The following HIBCH variants were observed in gnomAD, a reference collection of about 807,000 sequenced individuals.
The protein encoded by HIBCH is 3-hydroxyisobutyryl-CoA hydrolase.
A neutral mutation model predicts 58.2 loss-of-function variants in HIBCH; 50 were observed. The ratio of observed to expected loss-of-function variants is 0.86; its 90% CI spans 0.68 to 1.09. The LOEUF is 1.09. Ranked by LOEUF, HIBCH falls within the 50% of genes least tolerant of loss-of-function variation. The pLI, the probability that HIBCH is intolerant of heterozygous loss-of-function variation, is 0.00. For missense variants in HIBCH, 450 were observed against 449.7 expected (o/e 1.00, Z -0.01); for synonymous variants, 151 against 146.9 (o/e 1.03, Z -0.20).
At chr2:190,288,156 CTTTTT>C (rs369704911) in intron 5 of HIBCH, among the ~76,000 whole-genome samples, 30,475 of 141,474 alleles carry the variant, frequency 0.22, 3,497 homozygotes, top group Middle Eastern at 0.25. Context: ...AAGACCCTAT[CTTTTT>C]TTTTTTTTTT....
At chr2:190,202,199 C>A (rs527396530), downstream of HIBCH, 1 of 167,110 alleles carries the variant, frequency 6.0e-6, no homozygotes, top group South Asian at 2.1e-4. Flanking sequence ...CTGTTGCTGC[C>A]CTTCCTCAGC....
chr2:190,228,149 C>G (rs1003474698), intron 11 of HIBCH, among the ~76,000 whole-genome samples: 1 of 152,066 alleles, frequency 6.6e-6, no homozygotes, highest in Admixed American at 6.5e-5. Context: ...TTGGAACCAA[C>G]CCAAATGTCC....
chr2:190,285,631 T>C (rs1687810148), intron 6 of HIBCH, among the ~76,000 whole-genome samples: 1 of 152,102 alleles, frequency 6.6e-6, no homozygotes, highest in Non-Finnish European at 1.5e-5. Flanking sequence ...ACAGGTGGAA[T>C]TTCAAAAATT....
rs568499994 is a variant in HIBCH, at chr2:190,237,826, C to T, written c.891+7061G>A. Among the ~76,000 whole-genome samples the T allele has an allele frequency of 7.2e-5, 11 of 152,022 alleles. No individual in the cohort carries two copies. In the East Asian group the frequency reaches 1.7e-3, roughly 24 times the overall value. On this transcript the variant is annotated intron_variant, in intron 11 of 13. Transcript: ENST00000359678. Reference sequence around the variant, plus strand: ...CTAATGCTCTCCCCCTCCCTTTGCCCCCTACCCTGATGGGCCCCAGTGTGT... The same window carrying T: ...CTAATGCTCTCCCCCTCCCTTTGCCTCCTACCCTGATGGGCCCCAGTGTGT...
chr2:190,224,856 A>G (rs760972461), intron 11 of HIBCH, among the ~76,000 whole-genome samples: 1 of 152,184 alleles, frequency 6.6e-6, no homozygotes, highest in African/African-American at 2.4e-5. Context: ...CACATCAGTT[A>G]TTCCAAAAGT....
At chr2:190,291,108 G>A (rs1421853101) in intron 4 of HIBCH, among the ~76,000 whole-genome samples, 1 of 151,976 alleles carries the variant, frequency 6.6e-6, no homozygotes, top group Non-Finnish European at 1.5e-5. Context: ...CATTTCCTTT[G>A]GTAATATGTC....
chr2:190,297,027 A>C, intron 2 of HIBCH, 74 bp from the exon 3 acceptor site: 2 of 1,363,066 alleles, frequency 1.5e-6, no homozygotes, highest in Non-Finnish European at 2.1e-6. Flanking sequence ...AAACATACAT[A>C]TCAAATGCAA....
chr2:190,245,513 T>C (rs1233020230), intron 10 of HIBCH: 5 of 153,620 alleles, frequency 3.3e-5, no homozygotes, highest in African/African-American at 1.2e-4. Flanking sequence ...TTCAGCTTGG[T>C]AAGATCTTCA....
At chr2:190,285,422 C>A (rs1687805266) in intron 6 of HIBCH, among the ~76,000 whole-genome samples, 1 of 152,150 alleles carries the variant, frequency 6.6e-6, no homozygotes, top group Admixed American at 6.6e-5. Context: ...AGAGAGCTTT[C>A]CTTTTCCCCA....
intron 11 of HIBCH, among the ~76,000 whole-genome samples, chr2:190,244,295 A>G (rs1295652255): frequency 6.6e-6 from 1 of 152,196 alleles, no homozygotes; most frequent in Non-Finnish European, 1.5e-5. Context: ...AGGTCCACGA[A>G]TGTCAATACC....
chr2:190,190,157 A>C (rs1387372843), intron 1 of HIBCH, among the ~76,000 whole-genome samples: 1 of 152,246 alleles, frequency 6.6e-6, no homozygotes, highest in East Asian at 1.9e-4. Context: ...TCATGTAACT[A>C]ACATACCAAT....
chr2:190,246,245 G>A (rs777432148), intron 9 of HIBCH, 33 bp from the exon 10 acceptor site: 1 of 1,290,266 alleles, frequency 7.8e-7, no homozygotes, highest in Non-Finnish European at 1.1e-6. Flanking sequence ...TAATAAATTT[G>A]AACACAATTT....
chr2:190,252,778 T>C (rs150948695), intron 7 of HIBCH, among the ~76,000 whole-genome samples: 49 of 152,366 alleles, frequency 3.2e-4, no homozygotes, highest in African/African-American at 1.1e-3. Flanking sequence ...TGTTTAAATA[T>C]TGATGCAATA....
At chr2:190,275,923 AC>A (rs573439541) in intron 6 of HIBCH, among the ~76,000 whole-genome samples, 20 of 152,226 alleles carry the variant, frequency 1.3e-4, no homozygotes, top group Non-Finnish European at 2.5e-4. Context: ...GAGTGCCAAA[AC>A]CATTGCATCC....
chr2:190,190,082 A>C (rs1361265938), intron 1 of HIBCH: 1 of 152,260 alleles, frequency 6.6e-6, no homozygotes, highest in African/African-American at 2.4e-5. Flanking sequence ...TATTAAAGTA[A>C]AAATTACAGT....
chr2:190,301,884 C>T (rs573582397), intron 2 of HIBCH, among the ~76,000 whole-genome samples: 65 of 152,222 alleles, frequency 4.3e-4, no homozygotes, highest in African/African-American at 1.5e-3. Context: ...AGTACTAATC[C>T]TGTGACAGTG....
intron 7 of HIBCH, among the ~76,000 whole-genome samples, chr2:190,253,902 C>A (rs554975489): frequency 6.6e-6 from 1 of 152,278 alleles, no homozygotes; most frequent in South Asian, 2.1e-4. Flanking sequence ...AACCCTCCAT[C>A]CTGACAACAC....
At position 190,209,599 on chromosome 2, in the gene HIBCH, C is replaced by T. The variant is rs1690470536; in HGVS notation, c.1012-686G>A. On this transcript the variant is annotated intron_variant, in intron 12 of 13. Coordinates refer to ENST00000359678, the MANE Select transcript of HIBCH (RefSeq NM_014362.4). This position sits in a 1 kb window ranked among gnomAD's most constrained non-coding sequence, Gnocchi z 5.6. ...TTAGATATGAAGTCTTGTCTTCTCA[C>T]CACTAAAACACCTGCAGGCAACTGT... 6.6e-6 allele frequency among the ~76,000 whole-genome samples: 1 copy of T among 152,200 alleles called. No homozygotes were observed. Among genetic ancestry groups the T allele is most frequent in the Admixed American group, 6.5e-5 (1 of 15,274 alleles).
intron 11 of HIBCH, among the ~76,000 whole-genome samples, chr2:190,234,829 G>C (rs1457270747): frequency 1.3e-5 from 2 of 150,414 alleles, no homozygotes; most frequent in African/African-American, 4.9e-5. Flanking sequence ...GACAGAGCAA[G>C]ACTCTAAAAA....
Sources: gnomAD v4.1 joint callset for allele counts (sites outside exome capture counted in the v4.1 genomes callset) on GRCh38, gnomAD v4.1.1 for gene constraint, Gnocchi (gnomAD v3.1) non-coding constraint, MANE v1.5 for transcripts, NCBI Gene and HGNC (gene_info 2026-07-23, HGNC 2026-07-21) for gene names.